The following RAB3GAP2 variants were observed in gnomAD, a reference collection of about 807,000 sequenced individuals.
RAB3GAP2 encodes RAB3 GTPase activating non-catalytic protein subunit 2.
RAB3GAP2 carries 87 observed loss-of-function variants against 185.3 expected under a neutral mutation model. The observed-to-expected ratio is 0.47, with a 90% CI of 0.39 to 0.56. The LOEUF is 0.56. Ranked by LOEUF, RAB3GAP2 falls within the 20% of genes least tolerant of loss-of-function variation. RAB3GAP2 has a pLI of 0.00. For missense variants in RAB3GAP2, 1,492 were observed against 1,638.2 expected, an observed-to-expected ratio of 0.91 and a Z score of 1.54; for synonymous variants, 554 against 576.1, an observed-to-expected ratio of 0.96 and a Z score of 0.55.
intron 1 of RAB3GAP2, chr1:220,253,830 G>A (rs1406078881): frequency 6.2e-6 from 10 of 1,612,300 alleles, no homozygotes; most frequent in South Asian, 2.2e-5. Flanking sequence ...ATGCAGAGGG[G>A]AAGATGAGAG....
At chr1:220,162,355 A>C (rs1206261267) in intron 27 of RAB3GAP2, 87 bp from the exon 28 acceptor site, 48 of 841,352 alleles carry the variant, frequency 5.7e-5, no homozygotes, top group Non-Finnish European at 8.7e-5. Flanking sequence ...AGCTTATTAA[A>C]CTATATAGAC....
At chr1:220,181,766 T>C (rs72747400) in intron 21 of RAB3GAP2, among the ~76,000 whole-genome samples, 278 of 152,208 alleles carry the variant, frequency 1.8e-3, no homozygotes, top group Non-Finnish European at 3.4e-3. Flanking sequence ...TTACAGAAAA[T>C]TGGCCAGGCA....
chr1:220,157,571 A>G, intron 30 of RAB3GAP2, 83 bp from the exon 31 acceptor site: 2 of 1,400,654 alleles, frequency 1.4e-6, no homozygotes, highest in Non-Finnish European at 2.0e-6. Context: ...TATTAGCAGC[A>G]AAGTGCAAAT....
intron 29 of RAB3GAP2, among the ~76,000 whole-genome samples, chr1:220,159,038 C>G (rs888203908): frequency 6.6e-6 from 1 of 152,080 alleles, no homozygotes; most frequent in African/African-American, 2.4e-5. Context: ...ATCAAATTAA[C>G]TACTTCATTT....
At chr1:220,233,743 C>T (rs900284260) in intron 1 of RAB3GAP2, among the ~76,000 whole-genome samples, 1 of 152,182 alleles carries the variant, frequency 6.6e-6, no homozygotes, top group Non-Finnish European at 1.5e-5. Context: ...CTCTGCTGTC[C>T]AGGCTAGAGT....
At chr1:220,263,955 A>G (rs1660185503) in intron 1 of RAB3GAP2, among the ~76,000 whole-genome samples, 1 of 152,220 alleles carries the variant, frequency 6.6e-6, no homozygotes, top group Admixed American at 6.5e-5. Flanking sequence ...ATAAACATGT[A>G]CATTTAAACA....
intron 2 of RAB3GAP2, among the ~76,000 whole-genome samples, chr1:220,225,082 C>T (rs900870280): frequency 3.9e-5 from 6 of 152,154 alleles, no homozygotes; most frequent in African/African-American, 1.2e-4. Flanking sequence ...CAGATTTGAA[C>T]TAAAATTAAC....
At chr1:220,152,494 T>C (rs886632353) in intron 33 of RAB3GAP2, among the ~76,000 whole-genome samples, 5 of 152,200 alleles carry the variant, frequency 3.3e-5, no homozygotes, top group African/African-American at 1.2e-4. Context: ...TTGCTTACTA[T>C]GTTTGGTCAG....
At chr1:220,250,744 C>A (rs896113384) in intron 1 of RAB3GAP2, among the ~76,000 whole-genome samples, 2 of 152,076 alleles carry the variant, frequency 1.3e-5, no homozygotes, top group African/African-American at 4.8e-5. Context: ...TGTTCTCATG[C>A]TGTTCTCATG....
chr1:220,190,945 A>C, intron 14 of RAB3GAP2, 123 bp downstream of exon 14: 3 of 986,604 alleles, frequency 3.0e-6, no homozygotes, highest in Non-Finnish European at 4.7e-6. Context: ...AAAAACCACA[A>C]TAAAGAATAT....
chr1:220,173,271 A>G (rs1264468671), intron 21 of RAB3GAP2, among the ~76,000 whole-genome samples: 1 of 152,242 alleles, frequency 6.6e-6, no homozygotes, highest in East Asian at 1.9e-4. Context: ...ACTTAAGTCA[A>G]CATAAGTGAC....
At chr1:220,247,853 A>G (rs1000294242) in intron 1 of RAB3GAP2, among the ~76,000 whole-genome samples, 4 of 152,128 alleles carry the variant, frequency 2.6e-5, no homozygotes, top group Non-Finnish European at 1.5e-5. Context: ...TTTAAAAAGA[A>G]CCACTTGGAA....
intron 24 of RAB3GAP2, among the ~76,000 whole-genome samples, chr1:220,167,952 G>A (rs2102857361): frequency 6.6e-6 from 1 of 152,196 alleles, no homozygotes; most frequent in African/African-American, 2.4e-5. Flanking sequence ...TAAACCATAT[G>A]CTTTCTAAGT....
chr1:220,266,330 T>C (rs1490052460), intron 1 of RAB3GAP2: 23 of 334,622 alleles, frequency 6.9e-5, no homozygotes, highest in South Asian at 3.4e-4. Flanking sequence ...TGGAAGGTTA[T>C]TGGACAGCTC....
At position 220,193,255 on chromosome 1, in the gene RAB3GAP2, T is replaced by C. The variant is rs746771860; in HGVS notation, c.1255A>G (p.Ile419Val). 10 of 1,614,026 alleles carry C rather than the reference T, an allele frequency of 6.2e-6. No individual in the cohort carries two copies. The highest frequency in any genetic ancestry group is 2.2e-5 in the East Asian group (1 of 44,862). ...TAAGAAGTACCTTTCCACATGCGTA[T>C]TGCAATTCCTCTAGCTACATCCAAT... ...ILLDVARGIA[I>V]RMWKGYRDAQ... The change falls in exon 13 of 35, where the codon ATA (isoleucine) becomes GTA (valine). Residue 419 changes from isoleucine to valine, a missense_variant. Transcript: ENST00000358951.
chr1:220,211,974 T>C (rs1659092937), intron 4 of RAB3GAP2, among the ~76,000 whole-genome samples: 1 of 152,244 alleles, frequency 6.6e-6, no homozygotes, highest in Non-Finnish European at 1.5e-5. Context: ...GGTTGTCTTT[T>C]ATCTGAATTC....
At chr1:220,187,301 C>G (rs1180840248) in intron 17 of RAB3GAP2, among the ~76,000 whole-genome samples, 1 of 152,124 alleles carries the variant, frequency 6.6e-6, no homozygotes, top group East Asian at 1.9e-4. Flanking sequence ...CTCTTAATCC[C>G]TTTGTAGACA....
chr1:220,231,124 T>G (rs567522745), intron 2 of RAB3GAP2, among the ~76,000 whole-genome samples: 1 of 152,348 alleles, frequency 6.6e-6, no homozygotes, highest in African/African-American at 2.4e-5. Flanking sequence ...CCATTGCATT[T>G]AGAATAAACA....
At position 220,232,858 on chromosome 1, in the gene RAB3GAP2, A is replaced by G. The variant is rs774528095; in HGVS notation, c.121T>C (p.Ser41Pro). ...CAACCATCATCTTCCCAGTCTGTTG[A>G]TTTACCTGTTTTTAAAAAGATGAAC... ...SGALRRDPSK[S>P]TDWEDDGWGA... is the part of the protein sequence containing the mutation. Residue 41 changes from serine to proline, a missense_variant, in exon 2 of 35, where the codon TCA (serine) becomes CCA (proline). Transcript: ENST00000358951. 1 of 1,613,618 alleles carries G rather than the reference A, an allele frequency of 6.2e-7. No individual in the cohort carries two copies.
Sources: allele counts gnomAD v4.1 joint callset (sites outside exome capture counted in the v4.1 genomes callset), GRCh38; gene constraint gnomAD v4.1.1; transcripts MANE v1.5; gene names NCBI Gene and HGNC (gene_info 2026-07-23, HGNC 2026-07-21).